Variants in RHOBTB2 observed in about 807,000 individuals in gnomAD.
RHOBTB2 encodes rho-related BTB domain-containing protein 2.
A neutral mutation model predicts 66.5 loss-of-function variants in RHOBTB2; 39 were observed. That is an observed-to-expected ratio of 0.59 (90% CI 0.45 to 0.77). The LOEUF (loss-of-function observed/expected upper bound fraction) is 0.77. RHOBTB2 is among the 30% of genes least tolerant of loss of function. The probability of loss-of-function intolerance (pLI) is 0.00; values close to 1 mark genes in which losing one functional copy is unlikely to be tolerated. For synonymous variants in RHOBTB2, 390 were observed against 395.0 expected, an observed-to-expected ratio of 0.99 and a Z score of 0.15; for missense variants, 755 against 999.1, an observed-to-expected ratio of 0.76 and a Z score of 3.29.
chr8:22,982,853 T>G (rs1280736782), upstream of RHOBTB2, among the ~76,000 whole-genome samples: 2 of 152,184 alleles, frequency 1.3e-5, no homozygotes, highest in African/African-American at 4.8e-5. Flanking sequence ...GCTGACTCAG[T>G]GTCGGGTGAG....
At chr8:22,955,668 C>G in the RHOBTB2 span, among the ~76,000 whole-genome samples, 5 of 149,160 alleles carry the variant, frequency 3.4e-5, no homozygotes, top group Non-Finnish European at 5.9e-5. Context: ...CTCCTAGGCT[C>G]AAAGGATCCT....
At chr8:22,977,240 T>G in the RHOBTB2 span, among the ~76,000 whole-genome samples, 1 of 152,194 alleles carries the variant, frequency 6.6e-6, no homozygotes, top group Non-Finnish European at 1.5e-5. Context: ...CACCCTACAC[T>G]TCTCAGCACC....
upstream of RHOBTB2, among the ~76,000 whole-genome samples, chr8:22,996,662 C>A (rs1466221164): frequency 1.3e-5 from 2 of 151,850 alleles, no homozygotes; most frequent in Non-Finnish European, 2.9e-5. Context: ...TGAGAAGTCA[C>A]CTGAATAGAG....
upstream of RHOBTB2, among the ~76,000 whole-genome samples, chr8:22,984,053 C>T (rs572106499): frequency 3.5e-4 from 54 of 152,136 alleles, no homozygotes; most frequent in Admixed American, 5.9e-4. Flanking sequence ...GAATCTTACA[C>T]TGCAGTGGGA....
chr8:22,978,686 T>C, the RHOBTB2 span, among the ~76,000 whole-genome samples: 1 of 152,060 alleles, frequency 6.6e-6, no homozygotes, highest in South Asian at 2.1e-4. Context: ...AAAATGTTTC[T>C]GTATTTATTT....
rs117851304 is a variant in RHOBTB2, at chr8:23,015,708, G to A, written c.1931G>A (p.Arg644His). The A allele has an allele frequency of 2.2e-3, 3,593 of 1,613,738 alleles. 7 individuals are homozygous for A. The highest frequency in any genetic ancestry group is 0.01 in the Middle Eastern group (63 of 6,060). Residue 644 changes from arginine to histidine, a missense_variant, in exon 9 of 10, where the codon CGC becomes CAC. Arg to His is a conservative substitution (Grantham distance 29, BLOSUM62 0). Around this residue, in one of 7 missense-constraint regions of RHOBTB2, gnomAD observed 353 missense variants for 458.2 expected, o/e 0.77. Coordinates refer to ENST00000251822, the MANE Select transcript of RHOBTB2 (RefSeq NM_015178.3). ...HICTNYNNVC[R>H]KFPRDMKAMS... ...TGCACCAACTACAACAACGTGTGCC[G>A]CAAGTTCCCCCGAGACATGAAGGCC... is the stretch of plus-strand genomic sequence containing the variant.
At chr8:22,961,214 T>A in the RHOBTB2 span, among the ~76,000 whole-genome samples, 1 of 149,846 alleles carries the variant, frequency 6.7e-6, no homozygotes, top group Non-Finnish European at 1.5e-5. Flanking sequence ...GCAATCTACC[T>A]TAGTAGTAAA....
At position 23,017,450 on chromosome 8, in the gene RHOBTB2, C is replaced by T. The variant is rs758817225; in HGVS notation, c.2165C>T (p.Ser722Phe). Residue 722 changes from serine to phenylalanine, a missense_variant, in exon 10 of 10, where the codon TCC becomes TTC. Ser to Phe is a radical substitution (Grantham distance 155, BLOSUM62 -2). Coordinates refer to ENST00000251822, the MANE Select transcript of RHOBTB2 (RefSeq NM_015178.3). The surrounding 1 kb of genome is among the most constrained non-coding windows in gnomAD (Gnocchi z 5.3). ...SSAASSSSPSSSSAVV is the reference protein window; with the variant it reads ...SSAASSSSPSFSSAVV The stretch of plus-strand genomic sequence containing the variant: ...GCAGCCTCCTCCTCATCCCCATCTT[C>T]CTCCTCGGCTGTGGTCTGAGATGCT... 7 of 1,594,158 alleles carry T rather than the reference C, an allele frequency of 4.4e-6. No homozygotes were observed. The highest frequency in any genetic ancestry group is 1.7e-4 in the Middle Eastern group (1 of 6,008).
At chr8:23,014,076 A>T (rs1811220539) in intron 7 of RHOBTB2, among the ~76,000 whole-genome samples, 1 of 152,308 alleles carries the variant, frequency 6.6e-6, no homozygotes, top group African/African-American at 2.4e-5. Context: ...TGCTCATTGT[A>T]CTGGGATGAC....
At chr8:22,985,427 G>A (rs117295580), upstream of RHOBTB2, among the ~76,000 whole-genome samples, 1,562 of 152,274 alleles carry the variant, frequency 0.01, 51 homozygotes, top group East Asian at 0.084. Flanking sequence ...TTAACTAGGA[G>A]GCTGCACGTC....
the RHOBTB2 span, among the ~76,000 whole-genome samples, chr8:22,974,550 C>A: frequency 6.6e-6 from 1 of 152,176 alleles, no homozygotes; most frequent in Non-Finnish European, 1.5e-5. Flanking sequence ...CTCCTGAGGC[C>A]CAGCTAAAAG....
chr8:22,999,625 T>C lies in RHOBTB2; in HGVS notation c.-491T>C. On this transcript the variant is annotated 5_prime_UTR_variant, in exon 1 of 10. Transcript: ENST00000251822. Reference sequence around the variant, plus strand: ...TACCCTCCCGTTTTTTTCTTTTCTTTTTTTTTTCCCTATCCTTTTTTTGTG... The same window carrying C: ...TACCCTCCCGTTTTTTTCTTTTCTTCTTTTTTTCCCTATCCTTTTTTTGTG... 8.0e-7 allele frequency: 1 copy of C among 1,242,986 alleles called. No homozygotes were observed. The allele number at this position is 1,242,986 out of a possible 1,614,324, so 77.0% of individuals were successfully genotyped here.
upstream of RHOBTB2, chr8:22,998,857 G>A (rs957656190): frequency 6.6e-5 from 10 of 152,092 alleles, no homozygotes; most frequent in African/African-American, 2.4e-4. Flanking sequence ...GTAAATTGAG[G>A]CAGAAAACCC....
At chr8:22,958,741 G>A in the RHOBTB2 span, among the ~76,000 whole-genome samples, 5 of 145,310 alleles carry the variant, frequency 3.4e-5, no homozygotes, top group African/African-American at 1.3e-4. Flanking sequence ...GGTGGAGGCT[G>A]CAGTGAGCTG....
At chr8:23,007,888 C>T (rs904014284) in intron 5 of RHOBTB2, 105 bp from the exon 6 acceptor site, 47 of 1,485,182 alleles carry the variant, frequency 3.2e-5, no homozygotes, top group African/African-American at 1.3e-4. Context: ...GGGTTTGTTC[C>T]GTGCCCCGAA....
At position 23,014,767 on chromosome 8, in the gene RHOBTB2, G is replaced by C. The variant is rs1451451385; in HGVS notation, c.1849G>C (p.Glu617Gln). ...DIDGDVLVFL[E>Q]LAQFHCAYQL... ...CGATGGGGACGTCCTTGTGTTCCTG[G>C]AACTGGCTCAGGTATCATGGCAGGG... The change falls in exon 8 of 10, where the codon GAA (glutamate) becomes CAA (glutamine). Residue 617 changes from glutamate to glutamine, a missense_variant. By Grantham distance (29) the Glu-to-Gln change is conservative (BLOSUM62 2). Transcript: ENST00000251822. 6.2e-7 allele frequency: 1 copy of C among 1,613,828 alleles called. No homozygotes were observed. Among genetic ancestry groups the C allele is most frequent in the East Asian group, 2.2e-5 (1 of 44,896 alleles).
At chr8:22,994,416 C>CCGGA in intron 2 of RHOBTB2, 1 of 535,086 alleles carries the variant, frequency 1.9e-6, no homozygotes, top group Non-Finnish European at 3.3e-6. Context: ...CGCGCTGGAC[C>CCGGA]CGGACATCAG....
the RHOBTB2 span, among the ~76,000 whole-genome samples, chr8:22,969,196 A>G: frequency 7.4e-4 from 113 of 152,344 alleles, no homozygotes; most frequent in Non-Finnish European, 1.2e-3. Flanking sequence ...TTCCCCTTAT[A>G]AAACCATCAG....
the RHOBTB2 span, among the ~76,000 whole-genome samples, chr8:22,970,627 ATTT>A: frequency 6.6e-6 from 1 of 151,022 alleles, no homozygotes; most frequent in Admixed American, 6.6e-5. Flanking sequence ...AATTTGATTT[ATTT>A]TTTATTTTTT....
Sources: allele counts gnomAD v4.1 joint callset (sites outside exome capture counted in the v4.1 genomes callset), GRCh38; gene constraint gnomAD v4.1.1; regional missense constraint gnomAD v4.1.1; non-coding constraint Gnocchi (gnomAD v3.1); transcripts MANE v1.5; gene names NCBI Gene and HGNC (gene_info 2026-07-23, HGNC 2026-07-21).